GLG1: variants seen among roughly 807,000 people sequenced by gnomAD.
GLG1 encodes golgi glycoprotein 1.
A neutral mutation model predicts 160.5 loss-of-function variants in GLG1; 38 were observed. That is an observed-to-expected ratio of 0.24 (90% CI 0.18 to 0.31). The LOEUF is 0.31. Ranked by LOEUF, GLG1 falls within the 10% of genes least tolerant of loss-of-function variation. The pLI is 1.00. For missense variants in GLG1, 1,373 were observed against 1,505.2 expected (o/e 0.91, Z 1.45); for synonymous variants, 644 against 543.4 (o/e 1.19, Z -2.57).
At chr16:74,517,316 C>G (rs1235221336) in intron 2 of GLG1, among the ~76,000 whole-genome samples, 3 of 152,164 alleles carry the variant, frequency 2.0e-5, no homozygotes, top group Admixed American at 2.0e-4. Context: ...TACTGGCAAA[C>G]CAAATCCAGC....
At chr16:74,482,994 T>C in intron 10 of GLG1, 29 bp downstream of exon 10, 1 of 1,118,646 alleles carries the variant, frequency 8.9e-7, no homozygotes, top group South Asian at 1.2e-5. Context: ...GCTGAGGCAA[T>C]ACATTTACTT....
At chr16:74,575,876 G>C (rs868314064) in intron 1 of GLG1, among the ~76,000 whole-genome samples, 4 of 152,090 alleles carry the variant, frequency 2.6e-5, no homozygotes, top group Middle Eastern at 3.2e-3. Flanking sequence ...TACAAGCACA[G>C]TGTGCTCTCA....
At chr16:74,518,970 C>T (rs2143543948) in intron 2 of GLG1, among the ~76,000 whole-genome samples, 1 of 152,266 alleles carries the variant, frequency 6.6e-6, no homozygotes, top group East Asian at 1.9e-4. Context: ...TTTGACCCAG[C>T]AATCCCATCA....
At chr16:74,459,965 C>A (rs1482514130) in intron 22 of GLG1, among the ~76,000 whole-genome samples, 176 bp from the exon 23 acceptor site, 1 of 152,038 alleles carries the variant, frequency 6.6e-6, no homozygotes, top group African/African-American at 2.4e-5. Flanking sequence ...AAGTGATTCT[C>A]CTGCCTCAGC....
At chr16:74,574,003 T>C (rs2018915055) in intron 1 of GLG1, among the ~76,000 whole-genome samples, 1 of 152,098 alleles carries the variant, frequency 6.6e-6, no homozygotes, top group African/African-American at 2.4e-5. Context: ...CCAGGCTGTC[T>C]TGCCTCTTTT....
chr16:74,456,003 T>G (rs2014522286), intron 25 of GLG1, among the ~76,000 whole-genome samples: 1 of 152,232 alleles, frequency 6.6e-6, no homozygotes, highest in South Asian at 2.1e-4. Context: ...CTGGGTATCA[T>G]ACACATTCAT....
In GLG1 at chr16:74,488,791, G is replaced by T. The variant is rs1000345112; in HGVS notation, c.1449+2210C>A. Among the ~76,000 whole-genome samples the T allele has an allele frequency of 1.3e-4, 19 of 151,958 alleles. No homozygotes were observed. In the East Asian group the frequency reaches 2.3e-3, roughly 19 times the overall value. Reference sequence around the variant, plus strand: ...CATGCCACCACGCCCGGCTAATTTCGTATTTTTCATAGAGACTGAGTTTCA... The same window carrying T: ...CATGCCACCACGCCCGGCTAATTTCTTATTTTTCATAGAGACTGAGTTTCA... On this transcript the variant is annotated intron_variant, in intron 8 of 25. Transcript: ENST00000422840.
Position 74,452,658 on chromosome 16 carries a change from C to T in GLG1, c.*509G>A, listed in dbSNP as rs960837143. On this transcript the variant is annotated 3_prime_UTR_variant, in exon 26 of 26. Transcript: ENST00000422840. ...CCCCAAGGTGCTTCTGAGAGATGAA[C>T]GAGACACCTCAGTCATGGCACACTG... 1.7e-5 allele frequency: 17 copies of T among 995,936 alleles called. No individual in the cohort carries two copies. The East Asian group carries it at 3.2e-4, about 19-fold the overall frequency. 61.7% of individuals were successfully genotyped at this position (995,936 alleles called of 1,614,324 possible).
intron 2 of GLG1, among the ~76,000 whole-genome samples, chr16:74,518,682 C>G (rs1331878185): frequency 2.0e-5 from 3 of 152,154 alleles, no homozygotes; most frequent in Non-Finnish European, 4.4e-5. Context: ...GCAACAAAAA[C>G]CAAAATTGAC....
chr16:74,604,098 G>A (rs1178398704), intron 1 of GLG1, among the ~76,000 whole-genome samples: 2 of 152,062 alleles, frequency 1.3e-5, no homozygotes, highest in Non-Finnish European at 2.9e-5. Context: ...GGAGGCTTCA[G>A]TGAACTCTCA....
chr16:74,492,082 G>A (rs925872196), intron 7 of GLG1, among the ~76,000 whole-genome samples: 1 of 151,478 alleles, frequency 6.6e-6, no homozygotes, highest in Admixed American at 6.6e-5. Flanking sequence ...GTTGCACAAT[G>A]TGTATTTCAA....
rs181024605 is a variant in GLG1 at position 74,527,347 on chromosome 16, T to G, written c.471+4774A>C. ...TCACTGCAACCTCTACCTCCCAGAT[T>G]CAAGTGATTCTCACGCCTTGGCCTC... On this transcript the variant is annotated intron_variant, in intron 2 of 25. Transcript: ENST00000422840. Among the ~76,000 whole-genome samples, 5 of 149,912 alleles carry G rather than the reference T, an allele frequency of 3.3e-5. 1 individual carries two copies. Among genetic ancestry groups the G allele is most frequent in the Admixed American group, 2.0e-4 (3 of 14,812 alleles).
chr16:74,591,661 T>C (rs1459595758), intron 1 of GLG1, among the ~76,000 whole-genome samples: 1 of 151,974 alleles, frequency 6.6e-6, no homozygotes, highest in Non-Finnish European at 1.5e-5. Context: ...CCAAAAATTT[T>C]TTGCGCTGTC....
intron 25 of GLG1, chr16:74,456,418 C>T: frequency 2.1e-6 from 1 of 468,768 alleles, no homozygotes; most frequent in Non-Finnish European, 3.8e-6. Context: ...CCTCGGCCTC[C>T]CAAAACGCTG....
chr16:74,490,874 C>CATT, intron 8 of GLG1, 127 bp downstream of exon 8: 1 of 670,914 alleles, frequency 1.5e-6, no homozygotes, highest in Middle Eastern at 4.2e-4. Context: ...AGTCTCTGAT[C>CATT]ATTAGTACCT....
intron 2 of GLG1, among the ~76,000 whole-genome samples, chr16:74,509,371 G>A (rs1465894050): frequency 6.6e-6 from 1 of 151,726 alleles, no homozygotes; most frequent in Non-Finnish European, 1.5e-5. Context: ...AGGTTTTCAA[G>A]GAAAATATAA....
intron 1 of GLG1, among the ~76,000 whole-genome samples, chr16:74,544,021 TGGA>T (rs2017974864): frequency 6.6e-6 from 1 of 152,180 alleles, no homozygotes; most frequent in Admixed American, 6.5e-5. Context: ...AGAAATGGCT[TGGA>T]GAAGTGAAAG....
intron 11 of GLG1, among the ~76,000 whole-genome samples, chr16:74,479,292 T>TA (rs894867726): frequency 7.0e-4 from 97 of 138,694 alleles, no homozygotes; most frequent in African/African-American, 1.4e-3. Flanking sequence ...CACCTCAATT[T>TA]AAAAAAAAAA....
At chr16:74,556,966 T>G (rs1040910954) in intron 1 of GLG1, among the ~76,000 whole-genome samples, 1 of 151,994 alleles carries the variant, frequency 6.6e-6, no homozygotes, top group African/African-American at 2.4e-5. Flanking sequence ...AAATATATTC[T>G]AATTTTCACT....
Sources: gnomAD v4.1 joint callset for allele counts (sites outside exome capture counted in the v4.1 genomes callset) on GRCh38, gnomAD v4.1.1 for gene constraint, MANE v1.5 for transcripts, NCBI Gene and HGNC (gene_info 2026-07-23, HGNC 2026-07-21) for gene names.